Variants in S100A9 observed in about 807,000 individuals in gnomAD.
The protein encoded by S100A9 is S100 calcium binding protein A9, also known as protein S100-A9.
S100A9 carries 2 observed loss-of-function variants against 4.3 expected under a neutral mutation model. The observed-to-expected ratio is 0.47, with a 90% CI of 0.19 to 1.48. S100A9 has a LOEUF of 1.48. S100A9 is among the 40% of genes most tolerant of loss of function. The pLI is 0.24. For synonymous variants in S100A9, 67 were observed against 54.0 expected, an observed-to-expected ratio of 1.24 and a Z score of -1.06; for missense variants, 130 against 144.4, an observed-to-expected ratio of 0.90 and a Z score of 0.51.
chr1:153,360,227 T>C lies in S100A9; in HGVS notation c.151-417T>C, dbSNP rs188294770. Among the ~76,000 whole-genome samples, 303 of 152,300 alleles carry C rather than the reference T, an allele frequency of 2.0e-3. 1 individual carries two copies. Among genetic ancestry groups the C allele is most frequent in the Non-Finnish European group, 3.5e-3 (235 of 68,022 alleles). ...CCTCTAAGTCAGATCTGAATTTGCATGCCCTCAATAGTCAAGCTGTGAAAA... is the reference window on the plus strand; with the variant it reads ...CCTCTAAGTCAGATCTGAATTTGCACGCCCTCAATAGTCAAGCTGTGAAAA... On this transcript the variant is annotated intron_variant, in intron 2 of 2. Coordinates refer to ENST00000368738, the MANE Select transcript of S100A9 (RefSeq NM_002965.4).
rs1383522253 is a variant in S100A9, at chr1:153,360,735, T to C, written c.242T>C (p.Met81Thr). 1 of 1,614,136 alleles carries C rather than the reference T, an allele frequency of 6.2e-7. No homozygotes were observed. The highest frequency in any genetic ancestry group is 2.2e-5 in the East Asian group (1 of 44,874). The change falls in exon 3 of 3, where the codon ATG (methionine) becomes ACG (threonine). Residue 81 changes from methionine to threonine, a missense_variant. Transcript: ENST00000368738. ...CAGCTGAGCTTCGAGGAGTTCATCA[T>C]GCTGATGGCGAGGCTAACCTGGGCC... ...DKQLSFEEFI[M>T]LMARLTWASH...
rs1557839308 is a variant in S100A9 at position 153,360,841 on chromosome 1, C to CCACAGTGGCCAAGAT, written c.*15_*29dup. On this transcript the variant is annotated 3_prime_UTR_variant, in exon 3 of 3. Coordinates refer to ENST00000368738, the MANE Select transcript of S100A9 (RefSeq NM_002965.4). ...GCCTCGGGGAGGGCACCCCCTAAGA[C>CCACAGTGGCCAAGAT]CACAGTGGCCAAGATCACAGTGGCC... The CCACAGTGGCCAAGAT allele has an allele frequency of 4.4e-6, 7 of 1,587,948 alleles. No homozygotes were observed. Among genetic ancestry groups the CCACAGTGGCCAAGAT allele is most frequent in the Non-Finnish European group, 6.0e-6 (7 of 1,165,736 alleles).
chr1:153,359,919 C>G (rs1661417234), intron 2 of S100A9, among the ~76,000 whole-genome samples: 1 of 151,918 alleles, frequency 6.6e-6, no homozygotes, highest in Admixed American at 6.6e-5. Context: ...GAACTCTTGA[C>G]CTTAGGTGAT....
chr1:153,358,132 C>T (rs1252372029), intron 1 of S100A9, 137 bp from the exon 2 acceptor site: 1 of 546,008 alleles, frequency 1.8e-6, no homozygotes, highest in Non-Finnish European at 3.3e-6. Context: ...GGCCATCTCC[C>T]AGTTAAGTTG....
chr1:153,358,549 C>A (rs962597973), intron 2 of S100A9, 116 bp downstream of exon 2: 17 of 797,044 alleles, frequency 2.1e-5, no homozygotes, highest in Middle Eastern at 3.9e-4. Flanking sequence ...TGGAGCCCAG[C>A]CCCAAGACGC....
intron 2 of S100A9, 86 bp downstream of exon 2, chr1:153,358,519 A>G (rs891818744): frequency 1.1e-5 from 12 of 1,131,250 alleles, no homozygotes; most frequent in African/African-American, 4.7e-5. Flanking sequence ...TACAGCAATC[A>G]AGGGGAAGAT....
rs964132010 is a variant in S100A9, at chr1:153,358,523, G to T, written c.150+90G>T. Reference sequence around the variant, plus strand: ...GGAGTATGGGCTACAGCAATCAAGGGGAAGATTTGAGCTCCTGGAGCCCAG... The same window carrying T: ...GGAGTATGGGCTACAGCAATCAAGGTGAAGATTTGAGCTCCTGGAGCCCAG... On this transcript the variant is annotated intron_variant, in intron 2 of 2. Transcript: ENST00000368738. 15 of 1,105,402 alleles carry T rather than the reference G, an allele frequency of 1.4e-5. No homozygotes were observed. In the African/African-American group the frequency reaches 2.1e-4, roughly 15 times the overall value. 68.5% of individuals were successfully genotyped at this position (1,105,402 alleles called of 1,614,324 possible).
intron 2 of S100A9, among the ~76,000 whole-genome samples, 153 bp downstream of exon 2, chr1:153,358,586 G>C (rs529519051): frequency 6.6e-6 from 1 of 152,288 alleles, no homozygotes; most frequent in African/African-American, 2.4e-5. Context: ...TACAGGGCAG[G>C]TGCTCACAGT....
intron 2 of S100A9, among the ~76,000 whole-genome samples, chr1:153,358,959 G>A (rs892050712): frequency 1.1e-4 from 16 of 151,932 alleles, no homozygotes; most frequent in Admixed American, 2.0e-4. Flanking sequence ...AGCCTCAGGC[G>A]GGAACTTGGG....
intron 2 of S100A9, among the ~76,000 whole-genome samples, chr1:153,359,565 T>A (rs1226892190): frequency 6.6e-6 from 1 of 151,364 alleles, no homozygotes; most frequent in Non-Finnish European, 1.5e-5. Flanking sequence ...ACCCCACAGG[T>A]TCTGGGAGGG....
chr1:153,358,454 G>A, intron 2 of S100A9, 21 bp downstream of exon 2: 1 of 1,571,356 alleles, frequency 6.4e-7, no homozygotes, highest in East Asian at 2.3e-5. Context: ...ACTCTGGCAG[G>A]TCTGACCCAG....
Position 153,360,640 on chromosome 1 carries a change from G to A in S100A9, c.151-4G>A, listed in dbSNP as rs370206353. 9.4e-6 allele frequency: 15 copies of A among 1,594,488 alleles called. No homozygotes were observed. Among genetic ancestry groups the A allele is most frequent in the Admixed American group, 3.4e-5 (2 of 59,068 alleles). On this transcript the variant is annotated splice_polypyrimidine_tract_variant and splice_region_variant and intron_variant, in intron 2 of 2. Coordinates refer to ENST00000368738, the MANE Select transcript of S100A9 (RefSeq NM_002965.4). ...CTCTCACAGCCTTCTCTCCCCACCC[G>A]CAGAAGGAGAATAAGAATGAAAAGG...
At chr1:153,358,460 C>T in intron 2 of S100A9, 27 bp downstream of exon 2, 2 of 1,544,554 alleles carry the variant, frequency 1.3e-6, no homozygotes, top group Non-Finnish European at 1.8e-6. Flanking sequence ...GCAGGTCTGA[C>T]CCAGCCTCAC....
At chr1:153,358,458 G>A in intron 2 of S100A9, 25 bp downstream of exon 2, 3 of 1,553,704 alleles carry the variant, frequency 1.9e-6, no homozygotes, top group Non-Finnish European at 2.6e-6. Context: ...TGGCAGGTCT[G>A]ACCCAGCCTC....
intron 2 of S100A9, among the ~76,000 whole-genome samples, chr1:153,360,028 G>A (rs958894197): frequency 6.6e-6 from 1 of 151,896 alleles, no homozygotes; most frequent in East Asian, 1.9e-4. Flanking sequence ...TGAGGTCAGC[G>A]GAGCACATAC....
At chr1:153,360,620 AC>A in intron 2 of S100A9, 23 bp from the exon 3 acceptor site, 1 of 1,561,910 alleles carries the variant, frequency 6.4e-7, no homozygotes, top group Non-Finnish European at 8.8e-7. Context: ...CCCAGCTCTC[AC>A]AGCCTTCTCT....
intron 1 of S100A9, 33 bp from the exon 2 acceptor site, chr1:153,358,236 A>C: frequency 6.9e-7 from 1 of 1,445,174 alleles, no homozygotes; most frequent in African/African-American, 1.4e-5. Flanking sequence ...ATTTTCTTCT[A>C]AGTGTCCCAA....
At chr1:153,359,077 T>C (rs898307538) in intron 2 of S100A9, among the ~76,000 whole-genome samples, 8 of 152,154 alleles carry the variant, frequency 5.3e-5, no homozygotes, top group Non-Finnish European at 1.0e-4. Flanking sequence ...TGGGAGGTTT[T>C]TCCCCCGCTC....
At position 153,358,278 on chromosome 1, in the gene S100A9, A is replaced by G; in HGVS notation, c.-6A>G. 2 of 1,589,706 alleles carry G rather than the reference A, an allele frequency of 1.3e-6. No homozygotes were observed. The highest frequency in any genetic ancestry group is 1.7e-6 in the Non-Finnish European group (2 of 1,163,764). On this transcript the variant is annotated 5_prime_UTR_variant, in exon 2 of 3. Coordinates refer to ENST00000368738, the MANE Select transcript of S100A9 (RefSeq NM_002965.4). ...GTTTTCCATTACACAGACAGAGTGC[A>G]AGACGATGACTTGCAAAATGTCGCA...
Sources: allele counts gnomAD v4.1 joint callset (sites outside exome capture counted in the v4.1 genomes callset), GRCh38; gene constraint gnomAD v4.1.1; transcripts MANE v1.5; gene names NCBI Gene and HGNC (gene_info 2026-07-23, HGNC 2026-07-21).